Variants in LPA observed in about 807,000 individuals in gnomAD.
The protein encoded by LPA is apolipoprotein(a).
In LPA, 199 loss-of-function variants were observed where a neutral mutation model predicts 197.9. That is an observed-to-expected ratio of 1.01 (90% CI 0.90 to 1.13). LPA has a LOEUF of 1.13. LPA is among the 50% of genes most tolerant of loss of function. The pLI is 0.00. For synonymous variants in LPA, 715 were observed against 639.5 expected (o/e 1.12, Z -1.78); for missense variants, 1,853 against 1,785.8 (o/e 1.04, Z -0.68).
At chr6:160,603,115 C>G (rs962422815) in intron 18 of LPA, among the ~76,000 whole-genome samples, 13 of 150,918 alleles carry the variant, frequency 8.6e-5, no homozygotes, top group African/African-American at 2.9e-4. Context: ...GTATTTGTTC[C>G]TGTAGCAATC....
intron 1 of LPA, among the ~76,000 whole-genome samples, chr6:160,653,932 ATATATATTT>A (rs1780050150): frequency 2.6e-5 from 1 of 38,390 alleles, no homozygotes; most frequent in South Asian, 5.8e-4. Context: ...AATAGGATAT[ATATATATTT>A]TATATATATT....
chr6:160,647,486 C>G (rs1332891813), intron 2 of LPA, among the ~76,000 whole-genome samples: 1 of 152,174 alleles, frequency 6.6e-6, no homozygotes, highest in African/African-American at 2.4e-5. Context: ...AGTCCCAGAC[C>G]CTCCATTCCA....
intron 35 of LPA, among the ~76,000 whole-genome samples, chr6:160,540,440 A>C (rs532503419): frequency 4.9e-4 from 75 of 152,350 alleles, no homozygotes; most frequent in Non-Finnish European, 6.8e-4. Flanking sequence ...GTCCCCAGTG[A>C]TGGAGCTATG....
chr6:160,593,845 A>T, intron 22 of LPA, 113 bp downstream of exon 22: 1 of 1,340,576 alleles, frequency 7.5e-7, no homozygotes, highest in Non-Finnish European at 1.1e-6. Context: ...CATTCTACCC[A>T]ACATTCCAGA....
At chr6:160,553,952 T>TGTGTGTGTGTGTGTGTGTGTGC (rs1362760105) in intron 30 of LPA, among the ~76,000 whole-genome samples, 3 of 117,074 alleles carry the variant, frequency 2.6e-5, no homozygotes, top group Admixed American at 7.9e-5. Flanking sequence ...TGTGTGTGTG[T>TGTGTGTGTGTGTGTGTGTGTGC]GTGCGCGCGC....
chr6:160,594,446 T>C (rs1037754163), intron 21 of LPA, among the ~76,000 whole-genome samples: 1 of 152,192 alleles, frequency 6.6e-6, no homozygotes, highest in Admixed American at 6.5e-5. Context: ...ACTAGACTGC[T>C]ATGCATCAGG....
chr6:160,576,336 GTGTGTATATATA>G (rs1327566121), intron 28 of LPA, among the ~76,000 whole-genome samples: 9 of 19,704 alleles, frequency 4.6e-4, no homozygotes, highest in East Asian at 8.1e-3. Flanking sequence ...GTGTGTGTGT[GTGTGTATATATA>G]TATATATATA....
At chr6:160,578,355 C>T (rs770948229) in intron 27 of LPA, among the ~76,000 whole-genome samples, 168 bp downstream of exon 27, 10 of 152,040 alleles carry the variant, frequency 6.6e-5, no homozygotes, top group African/African-American at 1.2e-4. Flanking sequence ...CTCCTCACAG[C>T]GTGCCAAAAA....
intron 24 of LPA, among the ~76,000 whole-genome samples, chr6:160,587,059 T>A (rs1252629721): frequency 6.6e-6 from 1 of 152,236 alleles, no homozygotes; most frequent in African/African-American, 2.4e-5. Flanking sequence ...AGTGTTTGAT[T>A]TGCTGATTTG....
chr6:160,590,817 C>A, intron 23 of LPA, 127 bp downstream of exon 23: 3 of 1,323,450 alleles, frequency 2.3e-6, no homozygotes. Context: ...GCTTCCTTCC[C>A]ATTGGCTGAC....
intron 10 of LPA, among the ~76,000 whole-genome samples, chr6:160,626,228 A>G: frequency 7.2e-6 from 1 of 138,812 alleles, no homozygotes; most frequent in Admixed American, 6.9e-5. Context: ...GTAATTGAAA[A>G]GTTATCAGCC....
intron 2 of LPA, among the ~76,000 whole-genome samples, chr6:160,648,072 A>G (rs1779934421): frequency 1.3e-5 from 2 of 152,208 alleles, no homozygotes; most frequent in African/African-American, 4.8e-5. Context: ...TTCCTCCAAC[A>G]TGGATGAACT....
intron 32 of LPA, 136 bp downstream of exon 32, chr6:160,547,653 G>A: frequency 1.7e-6 from 2 of 1,188,526 alleles, no homozygotes; most frequent in Middle Eastern, 1.9e-4. Context: ...TTGCTGGCCT[G>A]TGCTGCTTGC....
Position 160,606,644 on chromosome 6 carries a change from T to C in LPA, c.2618A>G (p.Asn873Ser), listed in dbSNP as rs776321867. The C allele has an allele frequency of 6.2e-7, 1 of 1,613,964 alleles. No homozygotes were observed. The highest frequency in any genetic ancestry group is 8.5e-7 in the Non-Finnish European group (1 of 1,179,938). Residue 873 changes from asparagine (N) to serine (S), a missense_variant, in exon 17 of 39, where the codon AAC becomes AGC. This residue lies in a region of LPA where 1,737 missense variants were observed against 1,504.4 expected (regional missense o/e 1.15). Transcript: ENST00000316300. ...CACAGGATCTGGATTCCTGCAGTAG[T>C]TCATGATCAAGCCACTGGAAATTCC... ...EYYPNAGLIM[N>S]YCRNPDPVAA... is the part of the protein sequence containing the mutation.
rs1562338796 is a variant in LPA at position 160,599,604 on chromosome 6, ACT to A, written c.3181_3182del (p.Ser1061LeufsTer26). On this transcript the variant is annotated frameshift_variant, in exon 20 of 39. Transcript: ENST00000316300. LOFTEE classifies it high-confidence loss of function. ...CAGTGGTGGAGTATGTGCCTCGGTA[ACT>A]CTGTCCATAATGGTAGTAGCAGTCC... ...VQDCYYHYGQSYRGTYSTTVT... is the reference protein window; with the variant it reads ...VQDCYYHYGQXYRGTYSTTVT... 2 of 1,614,034 alleles carry A rather than the reference ACT, an allele frequency of 1.2e-6. No homozygotes were observed. The highest frequency in any genetic ancestry group is 3.3e-5 in the Admixed American group (2 of 60,016).
intron 35 of LPA, 139 bp from the exon 36 acceptor site, chr6:160,540,322 C>T: frequency 3.4e-6 from 3 of 889,294 alleles, no homozygotes; most frequent in Non-Finnish European, 3.7e-6. Flanking sequence ...AAACAAAATT[C>T]ACAATTTGCT....
At chr6:160,615,382 G>T (rs1779578513) in intron 14 of LPA, among the ~76,000 whole-genome samples, 1 of 129,326 alleles carries the variant, frequency 7.7e-6, no homozygotes, top group Admixed American at 7.4e-5. Flanking sequence ...GTGTGTGTGT[G>T]TGTAGCTCAT....
chr6:160,545,160 C>T (rs1011537119), intron 33 of LPA, among the ~76,000 whole-genome samples: 1 of 151,946 alleles, frequency 6.6e-6, no homozygotes, highest in South Asian at 2.1e-4. Context: ...TGGGACTATC[C>T]CGGGCTGATT....
chr6:160,562,599 G>C (rs1226621651), intron 28 of LPA, among the ~76,000 whole-genome samples: 1 of 152,230 alleles, frequency 6.6e-6, no homozygotes, highest in African/African-American at 2.4e-5. Context: ...AGTTAGGCAG[G>C]AGTCCCTCTT....
Sources: gnomAD v4.1 joint callset for allele counts (sites outside exome capture counted in the v4.1 genomes callset) on GRCh38, gnomAD v4.1.1 for gene constraint, gnomAD v4.1.1 regional missense constraint, MANE v1.5 for transcripts, NCBI Gene and HGNC (gene_info 2026-07-23, HGNC 2026-07-21) for gene names.